The following BNC2 variants were observed in gnomAD, a reference collection of about 807,000 sequenced individuals.
BNC2 encodes the protein basonuclin zinc finger protein 2.
BNC2 carries 20 observed loss-of-function variants against 76.3 expected under a neutral mutation model. The observed-to-expected ratio is 0.26, with a 90% confidence interval of 0.18 to 0.38. The LOEUF (loss-of-function observed/expected upper bound fraction) is 0.38. Ranked by LOEUF, BNC2 falls within the 10% of genes least tolerant of loss-of-function variation. The pLI, the probability that BNC2 is intolerant of heterozygous loss-of-function variation, is 1.00. For synonymous variants in BNC2, 582 were observed against 514.8 expected (o/e 1.13, Z -1.77); for missense variants, 1,382 against 1,399.8 (o/e 0.99, Z 0.20).
rs576952889 is a variant in BNC2 at position 16,669,859 on chromosome 9, C to A, written c.330+57938G>T. Among the ~76,000 whole-genome samples, 6 of 152,306 alleles carry A rather than the reference C, an allele frequency of 3.9e-5. No homozygotes were observed. The South Asian group carries it at 1.2e-3, about 32-fold the overall frequency. On this transcript the variant is annotated intron_variant, in intron 3 of 6. Transcript: ENST00000380672. Reference sequence around the variant, plus strand: ...AAAAACGTGTTAGAAACTTGAACTGCAGCTTAGAGTGGACGGTAGGAAACT... The same window carrying A: ...AAAAACGTGTTAGAAACTTGAACTGAAGCTTAGAGTGGACGGTAGGAAACT...
At chr9:16,540,064 A>G (rs917350650) in intron 5 of BNC2, among the ~76,000 whole-genome samples, 1 of 151,930 alleles carries the variant, frequency 6.6e-6, no homozygotes, top group African/African-American at 2.4e-5. Flanking sequence ...AGATGTCTCA[A>G]TTCATTTTTA....
At chr9:16,619,767 C>T (rs1820811385) in intron 3 of BNC2, among the ~76,000 whole-genome samples, 2 of 152,274 alleles carry the variant, frequency 1.3e-5, no homozygotes, top group East Asian at 3.9e-4. Flanking sequence ...AAGATATTAA[C>T]ACTTTCTGTA....
In BNC2 at chr9:16,734,230, T is replaced by C. The variant is rs557774740; in HGVS notation, c.129+4130A>G. Among the ~76,000 whole-genome samples, 14 of 152,324 alleles carry C rather than the reference T, an allele frequency of 9.2e-5. No homozygotes were observed. The South Asian group carries it at 2.7e-3, about 29-fold the overall frequency. Reference sequence around the variant, plus strand: ...ACTACTGGATCTAACCTAGTGCCTATCTGTGAATGAATGAACTATACACCT... The same window carrying C: ...ACTACTGGATCTAACCTAGTGCCTACCTGTGAATGAATGAACTATACACCT... On this transcript the variant is annotated intron_variant, in intron 2 of 6. Transcript: ENST00000380672.
intron 4 of BNC2, among the ~76,000 whole-genome samples, chr9:16,573,957 T>C (rs1819409165): frequency 6.6e-6 from 1 of 152,190 alleles, no homozygotes; most frequent in African/African-American, 2.4e-5. Context: ...ACTGTACTTA[T>C]CCAGCAATTT....
chr9:16,829,159 T>C (rs551627002), intron 1 of BNC2, among the ~76,000 whole-genome samples: 19 of 152,342 alleles, frequency 1.2e-4, no homozygotes, highest in South Asian at 6.2e-4. Context: ...TCTGCGAATT[T>C]CCGTCTGGCA....
chr9:16,564,711 G>A (rs1819120684), intron 4 of BNC2, among the ~76,000 whole-genome samples: 1 of 152,106 alleles, frequency 6.6e-6, no homozygotes, highest in African/African-American at 2.4e-5. Context: ...TCTCATAGGT[G>A]CTTATTGACA....
intron 5 of BNC2, among the ~76,000 whole-genome samples, chr9:16,472,449 A>C (rs1821845568): frequency 6.6e-6 from 1 of 152,128 alleles, no homozygotes; most frequent in Non-Finnish European, 1.5e-5. Flanking sequence ...CTTTACCTTC[A>C]CCTAGGTTCT....
chr9:16,457,402 G>A (rs1273453267), intron 5 of BNC2, among the ~76,000 whole-genome samples: 5 of 152,098 alleles, frequency 3.3e-5, no homozygotes, highest in African/African-American at 7.2e-5. Context: ...GTGGTCATAC[G>A]CACACCTAAG....
At chr9:16,580,876 A>G (rs1442926110) in intron 4 of BNC2, among the ~76,000 whole-genome samples, 2 of 152,204 alleles carry the variant, frequency 1.3e-5, no homozygotes, top group Non-Finnish European at 2.9e-5. Flanking sequence ...TAAAGTAGGA[A>G]CTATTAATCC....
intron 1 of BNC2, among the ~76,000 whole-genome samples, chr9:16,745,122 T>C (rs1824963410): frequency 6.6e-6 from 1 of 152,236 alleles, no homozygotes; most frequent in African/African-American, 2.4e-5. Flanking sequence ...TAAAAGTACC[T>C]GTTCACAGAA....
At chr9:16,705,653 T>C (rs1049944177) in intron 3 of BNC2, among the ~76,000 whole-genome samples, 1 of 110,960 alleles carries the variant, frequency 9.0e-6, no homozygotes, top group Non-Finnish European at 2.3e-5. Flanking sequence ...TAGTGTGGCT[T>C]GGGTTTTTTT....
intron 1 of BNC2, among the ~76,000 whole-genome samples, chr9:16,762,434 G>A (rs993940802): frequency 1.3e-5 from 2 of 152,136 alleles, no homozygotes; most frequent in African/African-American, 4.8e-5. Flanking sequence ...GTTGCAAGTG[G>A]GAATGAATCA....
Position 16,668,592 on chromosome 9 carries a change from C to A in BNC2, c.330+59205G>T, listed in dbSNP as rs1180990625. On this transcript the variant is annotated intron_variant, in intron 3 of 6. Coordinates refer to ENST00000380672, the MANE Select transcript of BNC2 (RefSeq NM_017637.6). ...GACTAGGCCTATGCTAAAATACCATCTTGAAACATTATTGTAGCCATTATT... is the reference window on the plus strand; with the variant it reads ...GACTAGGCCTATGCTAAAATACCATATTGAAACATTATTGTAGCCATTATT... Among the ~76,000 whole-genome samples the A allele has an allele frequency of 5.3e-5, 8 of 152,328 alleles. No individual in the cohort carries two copies. The East Asian group carries it at 1.5e-3, about 29-fold the overall frequency.
chr9:16,415,013 T>A lies in BNC2; in HGVS notation c.*3976A>T, dbSNP rs1318426939. On this transcript the variant is annotated 3_prime_UTR_variant, in exon 7 of 7. Coordinates refer to ENST00000380672, the MANE Select transcript of BNC2 (RefSeq NM_017637.6). The stretch of plus-strand genomic sequence containing the variant: ...CCTCTTACTGGAAGGGCCTGAAAAT[T>A]CATGACCAAAGAAATAACACTATGA... The A allele has an allele frequency of 6.6e-6, 1 of 151,848 alleles. No individual in the cohort carries two copies. The highest frequency in any genetic ancestry group is 2.4e-5 in the African/African-American group (1 of 41,320). The allele number at this position is 151,848 out of a possible 1,614,324, so 9.4% of individuals were successfully genotyped here.
chr9:16,793,732 C>G lies in BNC2; in HGVS notation c.4-55247G>C, dbSNP rs1817574171. On this transcript the variant is annotated intron_variant, in intron 1 of 6. Coordinates refer to ENST00000380672, the MANE Select transcript of BNC2 (RefSeq NM_017637.6). ...CCAGGCTTGAGTGCAGTGGCGTGAT[C>G]TGGGCTCATTGCAAGCTCCGCCTCC... is the stretch of plus-strand genomic sequence containing the variant. Among the ~76,000 whole-genome samples, 3 of 133,124 alleles carry G rather than the reference C, an allele frequency of 2.3e-5. No individual in the cohort carries two copies. In the South Asian group the frequency reaches 7.3e-4, roughly 32 times the overall value. The allele number at this position is 133,124 out of a possible 152,430, so 87.3% of individuals were successfully genotyped here. A position where few individuals can be genotyped will look rare whatever the true frequency, so the allele number is the denominator to read the frequency against.
At chr9:16,834,474 G>A (rs1169605187) in intron 1 of BNC2, among the ~76,000 whole-genome samples, 1 of 152,200 alleles carries the variant, frequency 6.6e-6, no homozygotes, top group Non-Finnish European at 1.5e-5. Flanking sequence ...CAGACTATAA[G>A]TCAGACCTTG....
At chr9:16,601,583 C>T (rs1330344201) in intron 3 of BNC2, among the ~76,000 whole-genome samples, 1 of 152,130 alleles carries the variant, frequency 6.6e-6, no homozygotes, top group Non-Finnish European at 1.5e-5. Flanking sequence ...TCCAAGCCAA[C>T]TGTTGAAGCA....
intron 3 of BNC2, among the ~76,000 whole-genome samples, chr9:16,697,361 A>AAATT (rs1286945511): frequency 7.2e-5 from 11 of 152,128 alleles, no homozygotes; most frequent in Middle Eastern, 3.4e-3. Context: ...TACAAAAATA[A>AAATT]AATTAATTAA....
intron 1 of BNC2, among the ~76,000 whole-genome samples, chr9:16,823,079 A>G (rs549236475): frequency 6.6e-6 from 1 of 152,174 alleles, no homozygotes; most frequent in Non-Finnish European, 1.5e-5. Context: ...CTATCAAATC[A>G]GTCTTCTTCA....
Sources: allele counts gnomAD v4.1 joint callset (sites outside exome capture counted in the v4.1 genomes callset), GRCh38; gene constraint gnomAD v4.1.1; transcripts MANE v1.5; gene names NCBI Gene and HGNC (gene_info 2026-07-23, HGNC 2026-07-21).